CMTM8: variants seen among roughly 807,000 people sequenced by gnomAD.
CMTM8 encodes CKLF-like MARVEL transmembrane domain-containing protein 8.
In CMTM8, 12 loss-of-function variants were observed where a neutral mutation model predicts 18.6. The observed-to-expected ratio is 0.65, with a 90% CI of 0.41 to 1.05. The LOEUF (loss-of-function observed/expected upper bound fraction) is 1.05. Ranked by LOEUF, CMTM8 falls within the 50% of genes least tolerant of loss-of-function variation. The probability of loss-of-function intolerance (pLI) is 0.00; values close to 1 mark genes in which losing one functional copy is unlikely to be tolerated. For missense variants in CMTM8, 217 were observed against 227.2 expected, an observed-to-expected ratio of 0.95 and a Z score of 0.29; for synonymous variants, 87 against 90.6, an observed-to-expected ratio of 0.96 and a Z score of 0.23.
At chr3:32,283,968 G>A (rs573779118) in intron 1 of CMTM8, among the ~76,000 whole-genome samples, 17 of 152,314 alleles carry the variant, frequency 1.1e-4, no homozygotes, top group Admixed American at 4.6e-4. Flanking sequence ...TATACACTTA[G>A]GGCTGGGCAC....
rs563042268 is a variant in CMTM8 at position 32,364,111 on chromosome 3, C to T, written c.322-3761C>T. ...CTGGGCCAGGTGCAGTGGCTCATGC[C>T]TTGTAATCCCAGCACTTTAGGAGTT... On this transcript the variant is annotated intron_variant, in intron 2 of 3. Coordinates refer to ENST00000307526, the MANE Select transcript of CMTM8 (RefSeq NM_178868.5). Among the ~76,000 whole-genome samples the T allele has an allele frequency of 5.8e-4, 89 of 152,278 alleles. No individual in the cohort carries two copies. In the South Asian group the frequency reaches 0.017, roughly 29 times the overall value.
intron 1 of CMTM8, among the ~76,000 whole-genome samples, chr3:32,240,628 A>G (rs1248291230): frequency 6.6e-6 from 1 of 152,234 alleles, no homozygotes; most frequent in Non-Finnish European, 1.5e-5. Flanking sequence ...TAAGTGGCCC[A>G]CAATCCCATT....
intron 1 of CMTM8, among the ~76,000 whole-genome samples, chr3:32,270,327 C>G (rs1702417965): frequency 6.6e-6 from 1 of 152,188 alleles, no homozygotes; most frequent in South Asian, 2.1e-4. Flanking sequence ...CCTCAGGGAT[C>G]TAGAACTGGA....
intron 1 of CMTM8, among the ~76,000 whole-genome samples, chr3:32,319,682 T>C (rs1696005425): frequency 6.6e-6 from 1 of 152,210 alleles, no homozygotes; most frequent in Non-Finnish European, 1.5e-5. Context: ...AACAATATTA[T>C]CACTGGCATC....
At chr3:32,324,262 A>G (rs1457776258) in intron 1 of CMTM8, among the ~76,000 whole-genome samples, 3 of 149,554 alleles carry the variant, frequency 2.0e-5, no homozygotes, top group African/African-American at 7.5e-5. Flanking sequence ...GTATGCTTAT[A>G]ACATTAAAAA....
intron 1 of CMTM8, among the ~76,000 whole-genome samples, chr3:32,316,250 A>C (rs543309485): frequency 1.1e-4 from 17 of 151,582 alleles, no homozygotes; most frequent in African/African-American, 4.1e-4. Flanking sequence ...AATGGTCTTG[A>C]TCTCCTGACC....
chr3:32,328,370 C>CAAAAAAAAAAAAAAAA (rs796201249), intron 1 of CMTM8, among the ~76,000 whole-genome samples: 3 of 74,786 alleles, frequency 4.0e-5, no homozygotes, highest in African/African-American at 1.9e-4. Context: ...ACCCTGTCTC[C>CAAAAAAAAAAAAAAAA]AAAAAAAAAA....
intron 1 of CMTM8, among the ~76,000 whole-genome samples, chr3:32,293,562 T>A (rs918505168): frequency 6.6e-6 from 1 of 151,434 alleles, no homozygotes; most frequent in Non-Finnish European, 1.5e-5. Context: ...AAGAAATAAA[T>A]AGGCCAGGTG....
At position 32,316,995 on chromosome 3, in the gene CMTM8, C is replaced by A. The variant is rs1303299829; in HGVS notation, c.148-40378C>A. On this transcript the variant is annotated intron_variant, in intron 1 of 3. Transcript: ENST00000307526. ...AGACTTACATATTACTCTAAGAGAACTGAGTATTGGAAGTGTCTTGGGATC... is the reference window on the plus strand; with the variant it reads ...AGACTTACATATTACTCTAAGAGAAATGAGTATTGGAAGTGTCTTGGGATC... 1.3e-5 allele frequency among the ~76,000 whole-genome samples: 2 copies of A among 152,176 alleles called. 1 individual carries two copies. The highest frequency in any genetic ancestry group is 6.3e-3 in the Middle Eastern group (2 of 316).
intron 1 of CMTM8, among the ~76,000 whole-genome samples, chr3:32,246,336 T>C (rs1702015230): frequency 6.6e-6 from 1 of 152,138 alleles, no homozygotes; most frequent in African/African-American, 2.4e-5. Context: ...GGACATTCAT[T>C]CCCCAGGGTT....
At chr3:32,351,513 G>A (rs1336779305) in intron 1 of CMTM8, among the ~76,000 whole-genome samples, 1 of 152,040 alleles carries the variant, frequency 6.6e-6, no homozygotes, top group East Asian at 1.9e-4. Flanking sequence ...TTCGAGACCA[G>A]CCTGGGCAAC....
At chr3:32,366,046 A>G (rs1010657290) in intron 2 of CMTM8, among the ~76,000 whole-genome samples, 2 of 151,784 alleles carry the variant, frequency 1.3e-5, no homozygotes, top group Non-Finnish European at 2.9e-5. Context: ...TTTTCACTAC[A>G]TTTCCTCCAA....
intron 1 of CMTM8, among the ~76,000 whole-genome samples, chr3:32,304,231 C>T (rs866527733): frequency 6.6e-6 from 1 of 152,128 alleles, no homozygotes; most frequent in Non-Finnish European, 1.5e-5. Context: ...TCTGCCAGGT[C>T]TTATAAAAGG....
chr3:32,263,056 C>A (rs1266837545), intron 1 of CMTM8, among the ~76,000 whole-genome samples: 1 of 152,204 alleles, frequency 6.6e-6, no homozygotes, highest in Non-Finnish European at 1.5e-5. Context: ...GTGAACGATG[C>A]AGAAGACAGA....
intron 1 of CMTM8, among the ~76,000 whole-genome samples, chr3:32,319,074 A>ATATATATATATATT: frequency 2.2e-4 from 7 of 31,526 alleles, no homozygotes; most frequent in African/African-American, 4.6e-4. Context: ...ATATATATAT[A>ATATATATATATATT]TTTTTTTTTT....
In CMTM8 at chr3:32,367,933, C is replaced by A. The variant is rs889984974; in HGVS notation, c.383C>A (p.Ser128Tyr). 7 of 1,614,172 alleles carry A rather than the reference C, an allele frequency of 4.3e-6. No homozygotes were observed. The highest frequency in any genetic ancestry group is 5.9e-6 in the Non-Finnish European group (7 of 1,180,022). Residue 128 changes from serine (S) to tyrosine (Y), a missense_variant, in exon 3 of 4, where the codon TCT becomes TAT. Physicochemically the swap from Ser to Tyr is moderately radical, Grantham distance 144 (BLOSUM62 -2). Transcript: ENST00000307526. The stretch of plus-strand genomic sequence containing the variant: ...CTCTCTGCCGCTGTTGTAGATGCAT[C>A]TTCCGTCTCCCCTGAGAGGGACAGT... Reference protein sequence around the residue: ...LYLSAAVVDASSVSPERDSHN... With the variant: ...LYLSAAVVDAYSVSPERDSHN...
At chr3:32,339,606 G>A (rs1381488156) in intron 1 of CMTM8, among the ~76,000 whole-genome samples, 4 of 152,162 alleles carry the variant, frequency 2.6e-5, no homozygotes, top group Admixed American at 1.3e-4. Context: ...GAAGCCCTTC[G>A]GTTGTGCTTG....
intron 1 of CMTM8, among the ~76,000 whole-genome samples, chr3:32,299,069 C>T (rs868273825): frequency 1.3e-5 from 2 of 151,244 alleles, no homozygotes; most frequent in African/African-American, 4.9e-5. Flanking sequence ...ATTATAGACA[C>T]GAAACACTGT....
chr3:32,356,716 A>G (rs1256781188), intron 1 of CMTM8, among the ~76,000 whole-genome samples: 4 of 152,190 alleles, frequency 2.6e-5, no homozygotes, highest in Non-Finnish European at 4.4e-5. Flanking sequence ...AGCTCCAGGG[A>G]CCACCTCCAA....
Sources: gnomAD v4.1 joint callset for allele counts (sites outside exome capture counted in the v4.1 genomes callset) on GRCh38, gnomAD v4.1.1 for gene constraint, MANE v1.5 for transcripts, NCBI Gene and HGNC (gene_info 2026-07-23, HGNC 2026-07-21) for gene names.